The following DIP2C variants were observed in gnomAD, a reference collection of about 807,000 sequenced individuals.
DIP2C encodes the protein disco-interacting protein 2 homolog C.
DIP2C carries 33 observed loss-of-function variants against 192.4 expected under a neutral mutation model. The observed-to-expected ratio is 0.17, with a 90% CI of 0.13 to 0.23. The LOEUF (loss-of-function observed/expected upper bound fraction) is 0.23. Among genes scored for constraint, DIP2C ranks in the 10% least tolerant of loss-of-function variants. The pLI is 1.00. For synonymous variants in DIP2C, 979 were observed against 864.1 expected, an observed-to-expected ratio of 1.13 and a Z score of -2.33; for missense variants, 1,537 against 2,110.1, an observed-to-expected ratio of 0.73 and a Z score of 5.32.
chr10:316,054 T>C (rs952983665), intron 31 of DIP2C, among the ~76,000 whole-genome samples: 3 of 152,152 alleles, frequency 2.0e-5, no homozygotes, highest in Non-Finnish European at 2.9e-5. Flanking sequence ...CACCTCTTCA[T>C]AGATGTTGTA....
intron 1 of DIP2C, among the ~76,000 whole-genome samples, chr10:683,877 G>A (rs1371707498): frequency 2.0e-5 from 3 of 152,236 alleles, no homozygotes; most frequent in Non-Finnish European, 4.4e-5. Flanking sequence ...CAGCTGGGAG[G>A]AGGAAGACAG....
chr10:471,809 G>T (rs933313797), intron 3 of DIP2C, among the ~76,000 whole-genome samples: 1 of 152,158 alleles, frequency 6.6e-6, no homozygotes, highest in East Asian at 1.9e-4. Context: ...CTGGAGTGCA[G>T]TGGCGTGATC....
chr10:558,146 G>A (rs1462928927), intron 1 of DIP2C, among the ~76,000 whole-genome samples: 5 of 152,174 alleles, frequency 3.3e-5, no homozygotes, highest in Non-Finnish European at 5.9e-5. Context: ...TGTCTTACCA[G>A]CCACGCTGTT....
At chr10:544,175 T>C (rs1368837128) in intron 1 of DIP2C, among the ~76,000 whole-genome samples, 1 of 151,200 alleles carries the variant, frequency 6.6e-6, no homozygotes, top group Admixed American at 6.6e-5. Flanking sequence ...TGCCGGCATC[T>C]TTCCCGTTCA....
chr10:689,333 C>T lies in DIP2C; in HGVS notation c.85+161G>A, dbSNP rs1831457624. On this transcript the variant is annotated intron_variant, in intron 1 of 36. Coordinates refer to ENST00000280886, the MANE Select transcript of DIP2C (RefSeq NM_014974.3). This position sits in a 1 kb window ranked among gnomAD's most constrained non-coding sequence, Gnocchi z 6.1. Reference sequence around the variant, plus strand: ...CGGCCTCACAAACGTCCCTAGGGCGCGGGGTCTGGGGGTCCGGGGGACGCG... The same window carrying T: ...CGGCCTCACAAACGTCCCTAGGGCGTGGGGTCTGGGGGTCCGGGGGACGCG... Among the ~76,000 whole-genome samples, 1 of 151,460 alleles carries T rather than the reference C, an allele frequency of 6.6e-6. No individual in the cohort carries two copies. The highest frequency in any genetic ancestry group is 1.5e-5 in the Non-Finnish European group (1 of 67,762).
intron 31 of DIP2C, among the ~76,000 whole-genome samples, chr10:312,782 AC>A (rs1956619415): frequency 6.6e-6 from 1 of 152,216 alleles, no homozygotes; most frequent in Admixed American, 6.5e-5. Context: ...CACATAGTGG[AC>A]CTTTACTGAA....
chr10:681,487 A>G (rs1401649364), intron 1 of DIP2C, among the ~76,000 whole-genome samples: 1 of 147,644 alleles, frequency 6.8e-6, no homozygotes, highest in African/African-American at 2.5e-5. Context: ...CCCCAGTCCC[A>G]TGGTGCAGCC....
intron 13 of DIP2C, among the ~76,000 whole-genome samples, chr10:388,058 G>A (rs1298472006): frequency 4.6e-5 from 7 of 151,992 alleles, no homozygotes; most frequent in Admixed American, 2.0e-4. Context: ...ACCTTAAAAC[G>A]CAGCGTTCCT....
intron 18 of DIP2C, 135 bp from the exon 19 acceptor site, chr10:366,546 T>A (rs895829520): frequency 8.2e-6 from 10 of 1,215,226 alleles, no homozygotes; most frequent in Non-Finnish European, 1.1e-5. Flanking sequence ...CGGATGGTAG[T>A]CAGCCAGGCA....
At chr10:604,598 A>G (rs578186004) in intron 1 of DIP2C, among the ~76,000 whole-genome samples, 1 of 152,370 alleles carries the variant, frequency 6.6e-6, no homozygotes, top group Admixed American at 6.5e-5. Flanking sequence ...AAATATAAGG[A>G]GCTTTCAACT....
chr10:326,903 G>T, intron 31 of DIP2C, 103 bp downstream of exon 31: 1 of 1,377,184 alleles, frequency 7.3e-7, no homozygotes, highest in Non-Finnish European at 9.8e-7. Context: ...TCTTCTGGAT[G>T]TAGCTAAGCA....
At chr10:514,524 T>TGTGGGCCTCACCGCATGGCCGTCC (rs1564809344) in intron 1 of DIP2C, among the ~76,000 whole-genome samples, 1 of 152,212 alleles carries the variant, frequency 6.6e-6, no homozygotes, top group African/African-American at 2.4e-5. Flanking sequence ...CCAGGCTGTC[T>TGTGGGCCTCACCGCATGGCCGTCC]GTGGGCCTCA....
intron 1 of DIP2C, among the ~76,000 whole-genome samples, chr10:513,544 TGTCCACCGTGCCACACCGCG>T (rs763020095): frequency 5.9e-5 from 9 of 152,104 alleles, no homozygotes; most frequent in Non-Finnish European, 1.3e-4. Context: ...CCATGCTTCT[TGTCCACCGTGCCACACCGCG>T]GTCCACTGCG....
intron 1 of DIP2C, among the ~76,000 whole-genome samples, chr10:686,338 C>G (rs1831334595): frequency 6.6e-6 from 1 of 151,342 alleles, no homozygotes; most frequent in African/African-American, 2.4e-5. Context: ...TCCACTAGCA[C>G]AGCCTTCCCC....
At chr10:350,631 AATT>A (rs1958745904) in intron 24 of DIP2C, among the ~76,000 whole-genome samples, 1 of 107,518 alleles carries the variant, frequency 9.3e-6, no homozygotes, top group Non-Finnish European at 1.8e-5. Context: ...CGGGCTCAGG[AATT>A]TTTTTTTTTT....
chr10:362,073 A>G (rs779913083), intron 22 of DIP2C, among the ~76,000 whole-genome samples: 14 of 151,802 alleles, frequency 9.2e-5, no homozygotes, highest in Non-Finnish European at 1.8e-4. Flanking sequence ...GGGGAAAAAA[A>G]AAAGAAATGG....
At chr10:440,199 C>T (rs1004097289) in intron 4 of DIP2C, among the ~76,000 whole-genome samples, 1 of 152,174 alleles carries the variant, frequency 6.6e-6, no homozygotes, top group African/African-American at 2.4e-5. Context: ...TATTACATAA[C>T]ACAAATATAA....
intron 14 of DIP2C, among the ~76,000 whole-genome samples, chr10:387,031 C>T (rs527796287): frequency 4.1e-4 from 62 of 152,302 alleles, no homozygotes; most frequent in African/African-American, 1.5e-3. Context: ...AAGGGCAAAT[C>T]TGGAAACTAC....
intron 31 of DIP2C, among the ~76,000 whole-genome samples, chr10:320,656 C>G (rs1051329005): frequency 2.0e-5 from 3 of 151,578 alleles, no homozygotes; most frequent in South Asian, 2.1e-4. Flanking sequence ...TGGTGGCTCA[C>G]GCCTGTAATC....
Sources: gnomAD v4.1 joint callset for allele counts (sites outside exome capture counted in the v4.1 genomes callset) on GRCh38, gnomAD v4.1.1 for gene constraint, Gnocchi (gnomAD v3.1) non-coding constraint, MANE v1.5 for transcripts, NCBI Gene and HGNC (gene_info 2026-07-23, HGNC 2026-07-21) for gene names.